N4BP1: variants seen among roughly 807,000 people sequenced by gnomAD.
The protein encoded by N4BP1 is NEDD4-binding protein 1.
Under a neutral mutation model 70.9 loss-of-function variants are expected in N4BP1, and 21 were observed. The ratio of observed to expected loss-of-function variants is 0.30; its 90% confidence interval spans 0.21 to 0.43. The LOEUF (loss-of-function observed/expected upper bound fraction) is 0.43. N4BP1 is among the 20% of genes least tolerant of loss of function. The pLI is 1.00. For missense variants in N4BP1, 936 were observed against 1,069.4 expected, an observed-to-expected ratio of 0.88 and a Z score of 1.74; for synonymous variants, 387 against 394.6, an observed-to-expected ratio of 0.98 and a Z score of 0.23.
chr16:48,582,087 AAAC>A (rs1400988338), intron 1 of N4BP1, among the ~76,000 whole-genome samples: 4 of 152,208 alleles, frequency 2.6e-5, no homozygotes, highest in African/African-American at 7.2e-5. Context: ...AAGGAACTCA[AAAC>A]AACAAGAGCA....
chr16:48,601,476 A>G (rs576019624), intron 1 of N4BP1, among the ~76,000 whole-genome samples: 2 of 152,312 alleles, frequency 1.3e-5, no homozygotes, highest in African/African-American at 2.4e-5. Context: ...AACCATTTAA[A>G]AAGTTAAAAA....
intron 2 of N4BP1, among the ~76,000 whole-genome samples, chr16:48,555,385 T>C (rs1963735234): frequency 6.6e-6 from 1 of 152,214 alleles, no homozygotes; most frequent in Admixed American, 6.5e-5. Flanking sequence ...CCCACCTGCA[T>C]GTGCGTTCCT....
chr16:48,588,028 CA>C (rs909954883), intron 1 of N4BP1, among the ~76,000 whole-genome samples: 3 of 150,542 alleles, frequency 2.0e-5, no homozygotes, highest in African/African-American at 7.3e-5. Flanking sequence ...CAGATAAAAA[CA>C]AAAAATAAGC....
chr16:48,603,231 T>C (rs772107808), intron 1 of N4BP1, among the ~76,000 whole-genome samples: 1 of 152,190 alleles, frequency 6.6e-6, no homozygotes, highest in Non-Finnish European at 1.5e-5. Flanking sequence ...AAATTAAAAA[T>C]GGACTGGGTG....
intron 6 of N4BP1, among the ~76,000 whole-genome samples, chr16:48,543,490 T>C (rs1357166008): frequency 6.6e-6 from 1 of 152,146 alleles, no homozygotes; most frequent in African/African-American, 2.4e-5. Context: ...CAATGCGCTC[T>C]ATGAGGGAGC....
chr16:48,548,043 T>A lies in N4BP1; in HGVS notation c.2189A>T (p.Asn730Ile), dbSNP rs760656911. 11 of 1,611,410 alleles carry A rather than the reference T, an allele frequency of 6.8e-6. No individual in the cohort carries two copies. Among genetic ancestry groups the A allele is most frequent in the Non-Finnish European group, 9.3e-6 (11 of 1,177,572 alleles). ...AATTTCTCTCCAAGAGACTGACTCA[T>A]TCACAAATTCTCTGAAATTATCATT... The part of the protein sequence containing the change: ...VTNDNFREFV[N>I]ESVSWREIIT... Residue 730 changes from asparagine to isoleucine, a missense_variant, in exon 5 of 7, where the codon AAT (asparagine) becomes ATT (isoleucine). Asn to Ile is a moderately radical substitution (Grantham distance 149). Around this residue, in one of 4 missense-constraint regions of N4BP1, gnomAD observed 229 missense variants for 343.5 expected, o/e 0.67. Coordinates refer to ENST00000262384, the MANE Select transcript of N4BP1 (RefSeq NM_153029.4).
chr16:48,554,483 C>A (rs946684027), intron 2 of N4BP1, among the ~76,000 whole-genome samples: 3 of 152,156 alleles, frequency 2.0e-5, no homozygotes, highest in Non-Finnish European at 2.9e-5. Context: ...ATTTTACTCT[C>A]CAGCAGTTAA....
chr16:48,605,953 G>C (rs555165576), intron 1 of N4BP1, among the ~76,000 whole-genome samples: 1 of 152,244 alleles, frequency 6.6e-6, no homozygotes, highest in African/African-American at 2.4e-5. Flanking sequence ...TGCTACCTAG[G>C]AAACCGGCTG....
At chr16:48,551,681 A>G (rs1208895209) in intron 3 of N4BP1, among the ~76,000 whole-genome samples, 199 bp from the exon 4 acceptor site, 3 of 152,170 alleles carry the variant, frequency 2.0e-5, no homozygotes, top group Non-Finnish European at 4.4e-5. Flanking sequence ...CATATGAACT[A>G]ACTTCAGTTA....
In N4BP1 at chr16:48,561,378, G is replaced by A; in HGVS notation, c.1265C>T (p.Thr422Ile). Residue 422 changes from threonine to isoleucine, a missense_variant, in exon 2 of 7, where the codon ACA becomes ATA. Coordinates refer to ENST00000262384, the MANE Select transcript of N4BP1 (RefSeq NM_153029.4). ...TGTTTTCTTTGGAGTGGAATCAGTTGTAAGCTCATTTGTGCTGCTATAAAC... is the reference window on the plus strand; with the variant it reads ...TGTTTTCTTTGGAGTGGAATCAGTTATAAGCTCATTTGTGCTGCTATAAAC... ...KGVYSSTNEL[T>I]TDSTPKKTQA... is the part of the protein sequence containing the mutation. 2.5e-6 allele frequency: 4 copies of A among 1,613,892 alleles called. No homozygotes were observed. Among genetic ancestry groups the A allele is most frequent in the South Asian group, 1.1e-5 (1 of 91,082 alleles).
chr16:48,556,397 C>T (rs1393509649), intron 2 of N4BP1, among the ~76,000 whole-genome samples: 1 of 152,210 alleles, frequency 6.6e-6, no homozygotes, highest in Non-Finnish European at 1.5e-5. Flanking sequence ...CCTAGCCTCT[C>T]TGCAATCAAA....
intron 2 of N4BP1, among the ~76,000 whole-genome samples, chr16:48,557,014 A>G (rs1963763351): frequency 6.6e-6 from 1 of 152,100 alleles, no homozygotes; most frequent in Non-Finnish European, 1.5e-5. Context: ...CCACTTACTC[A>G]TCATTTGACT....
At position 48,551,536 on chromosome 16, in the gene N4BP1, G is replaced by GT; in HGVS notation, c.2021-55dup. 2 of 1,266,914 alleles carry GT rather than the reference G, an allele frequency of 1.6e-6. 1 individual carries two copies. Among genetic ancestry groups the GT allele is most frequent in the South Asian group, 2.7e-5 (2 of 74,768 alleles). The allele number at this position is 1,266,914 out of a possible 1,614,324, so 78.5% of individuals were successfully genotyped here. On this transcript the variant is annotated intron_variant, in intron 3 of 6. Transcript: ENST00000262384. ...TCAGAAAAGGGCTATCTTCCCAAAT[G>GT]TATCAAGAAATGAAAGTACACTCAA...
At chr16:48,551,600 T>C (rs1215297562) in intron 3 of N4BP1, 118 bp from the exon 4 acceptor site, 2 of 642,304 alleles carry the variant, frequency 3.1e-6, no homozygotes, top group African/African-American at 1.9e-5. Context: ...CTTTTTTCTA[T>C]TGACTCAATT....
Position 48,542,337 on chromosome 16 carries a change from A to G in N4BP1, c.*567T>C, listed in dbSNP as rs1963513529. ...CATGGCTAGGCACCAAGTGCCATCT[A>G]GTGGCACCGCGGGTCCACTTTCACA... is the stretch of plus-strand genomic sequence containing the variant. On this transcript the variant is annotated 3_prime_UTR_variant, in exon 7 of 7. Coordinates refer to ENST00000262384, the MANE Select transcript of N4BP1 (RefSeq NM_153029.4). 6.5e-6 allele frequency: 1 copy of G among 152,686 alleles called. No homozygotes were observed. The highest frequency in any genetic ancestry group is 1.5e-5 in the Non-Finnish European group (1 of 68,088). 9.5% of individuals were successfully genotyped at this position (152,686 alleles called of 1,614,324 possible). A position where few individuals can be genotyped will look rare whatever the true frequency, so the allele number is the denominator to read the frequency against.
Position 48,539,229 on chromosome 16 carries a change from A to C in N4BP1, c.*3675T>G, listed in dbSNP as rs1272863095. On this transcript the variant is annotated 3_prime_UTR_variant, in exon 7 of 7. Coordinates refer to ENST00000262384, the MANE Select transcript of N4BP1 (RefSeq NM_153029.4). Reference sequence around the variant, plus strand: ...GGGTGACTAGAAGTATGTTACTGGAAGGTAAATCTGGCCACACTGCAGCAT... The same window carrying C: ...GGGTGACTAGAAGTATGTTACTGGACGGTAAATCTGGCCACACTGCAGCAT... 2 of 152,386 alleles carry C rather than the reference A, an allele frequency of 1.3e-5. No homozygotes were observed. Among genetic ancestry groups the C allele is most frequent in the Non-Finnish European group, 2.9e-5 (2 of 68,180 alleles). The allele number at this position is 152,386 out of a possible 1,614,324, so 9.4% of individuals were successfully genotyped here. A position where few individuals can be genotyped will look rare whatever the true frequency, so the allele number is the denominator to read the frequency against.
At chr16:48,604,826 CTCTTAGATAATAAGACTGGACA>C (rs1964554502) in intron 1 of N4BP1, among the ~76,000 whole-genome samples, 1 of 152,098 alleles carries the variant, frequency 6.6e-6, no homozygotes, top group African/African-American at 2.4e-5. Context: ...TTCCTTGCTT[CTCTTAGATAATAAGACTGGACA>C]TCACTGAGCC....
In N4BP1 at chr16:48,561,065, T is replaced by C; in HGVS notation, c.1578A>G (p.Leu526=). 3 of 1,613,992 alleles carry C rather than the reference T, an allele frequency of 1.9e-6. No homozygotes were observed. Among genetic ancestry groups the C allele is most frequent in the Non-Finnish European group, 1.7e-6 (2 of 1,179,878 alleles). Residue 526 remains leucine (L), a synonymous_variant, in exon 2 of 7, where the codon TTA becomes TTG. Transcript: ENST00000262384. The stretch of plus-strand genomic sequence containing the variant: ...GAAGCAAGGGTTCTGGCTGCTGGTG[T>C]AAACCATTTTCAGGAAAAAGTGGAA... ...PRVPLFPENG[L]HQQPEPLLPN...
At chr16:48,606,474 T>C (rs543326790) in intron 1 of N4BP1, among the ~76,000 whole-genome samples, 1 of 152,332 alleles carries the variant, frequency 6.6e-6, no homozygotes, top group Admixed American at 6.5e-5. Flanking sequence ...TGACACTCCA[T>C]GTTTTCTGGG....
Sources: gnomAD v4.1 joint callset for allele counts (sites outside exome capture counted in the v4.1 genomes callset) on GRCh38, gnomAD v4.1.1 for gene constraint, gnomAD v4.1.1 regional missense constraint, MANE v1.5 for transcripts, NCBI Gene and HGNC (gene_info 2026-07-23, HGNC 2026-07-21) for gene names.